The following MAN2B2 variants were observed in gnomAD, a reference collection of about 807,000 sequenced individuals.
MAN2B2 encodes mannosidase alpha class 2B member 2.
MAN2B2 carries 106 observed loss-of-function variants against 117.1 expected under a neutral mutation model. The observed-to-expected ratio is 0.90, with a 90% CI of 0.77 to 1.06. The LOEUF (loss-of-function observed/expected upper bound fraction) is 1.06. Among genes scored for constraint, MAN2B2 ranks in the 50% least tolerant of loss-of-function variants. The pLI, the probability that MAN2B2 is intolerant of heterozygous loss-of-function variation, is 0.00. For missense variants in MAN2B2, 1,326 were observed against 1,381.4 expected (o/e 0.96, Z 0.64); for synonymous variants, 544 against 595.1 (o/e 0.91, Z 1.25).
chr4:6,616,011 C>G (rs1711844040), intron 16 of MAN2B2, among the ~76,000 whole-genome samples: 1 of 152,156 alleles, frequency 6.6e-6, no homozygotes, highest in South Asian at 2.1e-4. Context: ...ACTGTGCTGA[C>G]CAGGCTGGTC....
intron 16 of MAN2B2, among the ~76,000 whole-genome samples, chr4:6,615,602 G>C (rs1397495578): frequency 6.6e-6 from 1 of 152,048 alleles, no homozygotes; most frequent in Non-Finnish European, 1.5e-5. Flanking sequence ...TTCGAGACCA[G>C]CCTGGGCAAC....
chr4:6,587,637 C>T (rs1388206240), intron 4 of MAN2B2, among the ~76,000 whole-genome samples: 1 of 152,032 alleles, frequency 6.6e-6, no homozygotes, highest in African/African-American at 2.4e-5. Flanking sequence ...ACGCTGCCTT[C>T]GATTGTGCCC....
At chr4:6,581,590 G>A (rs955963296) in intron 3 of MAN2B2, among the ~76,000 whole-genome samples, 2 of 151,944 alleles carry the variant, frequency 1.3e-5, no homozygotes, top group South Asian at 4.2e-4. Flanking sequence ...AGAGGGGCTG[G>A]ATCACCCCTC....
chr4:6,582,074 CT>C (rs1343304855), intron 3 of MAN2B2, among the ~76,000 whole-genome samples: 2 of 152,050 alleles, frequency 1.3e-5, no homozygotes, highest in Non-Finnish European at 2.9e-5. Context: ...CCCCTCACCC[CT>C]ATCCTGAGGG....
In MAN2B2 at chr4:6,610,029, T is replaced by A. The variant is rs745551341; in HGVS notation, c.2238T>A (p.Tyr746Ter). 1.9e-6 allele frequency: 3 copies of A among 1,614,082 alleles called. No homozygotes were observed. Among genetic ancestry groups the A allele is most frequent in the East Asian group, 4.5e-5 (2 of 44,872 alleles). Reference sequence around the variant, plus strand: ...TGCAGCGGAGGCCCTACGTTTCCTATGTGAACAACAGCATCGCCCGGGTAT... The same window carrying A: ...TGCAGCGGAGGCCCTACGTTTCCTAAGTGAACAACAGCATCGCCCGGGTAT... ...YQMQRRPYVS[Y>*]VNNSIARNYY... is the part of the protein sequence containing the mutation. Residue 746 changes from tyrosine (Y) to a stop codon, truncating the protein, a stop_gained, in exon 13 of 19, where the codon TAT becomes TAA. Transcript: ENST00000285599. LOFTEE classifies it high-confidence loss of function.
At chr4:6,612,801 G>T (rs1051067410) in intron 15 of MAN2B2, among the ~76,000 whole-genome samples, 1 of 152,268 alleles carries the variant, frequency 6.6e-6, no homozygotes, top group Admixed American at 6.5e-5. Context: ...TCTGTTGGTT[G>T]CAAGTAACGG....
chr4:6,586,892 G>A, intron 3 of MAN2B2, 104 bp from the exon 4 acceptor site: 1 of 1,022,326 alleles, frequency 9.8e-7, no homozygotes, highest in Non-Finnish European at 1.5e-6. Context: ...CCCAGTAGCT[G>A]GCACTGCAAC....
chr4:6,597,354 C>A, intron 8 of MAN2B2, 51 bp downstream of exon 8: 1 of 1,483,280 alleles, frequency 6.7e-7, no homozygotes, highest in Non-Finnish European at 9.0e-7. Flanking sequence ...CCATGCTGCG[C>A]ACCTCCCCTC....
At chr4:6,577,589 G>A (rs1397968238) in intron 2 of MAN2B2, among the ~76,000 whole-genome samples, 2 of 152,242 alleles carry the variant, frequency 1.3e-5, no homozygotes, top group African/African-American at 2.4e-5. Flanking sequence ...GGTTCAGAGA[G>A]GGCACGCCAC....
At position 6,575,719 on chromosome 4, in the gene MAN2B2, C is replaced by T. The variant is rs117411320; in HGVS notation, c.138+371C>T. ...GCTGGGAAGGGGCCGGGCTGGTCCC[C>T]TGCGGGGCTGAATATTGGAGGCCAG... On this transcript the variant is annotated intron_variant, in intron 1 of 18. Transcript: ENST00000285599. Among the ~76,000 whole-genome samples the T allele has an allele frequency of 5.9e-4, 90 of 152,304 alleles. 1 individual carries two copies. The East Asian group carries it at 0.017, about 28-fold the overall frequency.
chr4:6,578,871 G>A (rs1267456466), intron 3 of MAN2B2, among the ~76,000 whole-genome samples: 1 of 151,872 alleles, frequency 6.6e-6, no homozygotes, highest in Non-Finnish European at 1.5e-5. Context: ...CACTTTAGTA[G>A]GATGTGGGTT....
chr4:6,600,679 A>G lies in MAN2B2; in HGVS notation c.1462A>G (p.Thr488Ala), dbSNP rs760215954. The change falls in exon 10 of 19, where the codon ACC becomes GCC. Residue 488 changes from threonine (T) to alanine (A), a missense_variant. Coordinates refer to ENST00000285599, the MANE Select transcript of MAN2B2 (RefSeq NM_015274.3). ...SVYNPLAWTVTTIVTLTVGFP... is the reference protein window; with the variant it reads ...SVYNPLAWTVATIVTLTVGFP... The stretch of plus-strand genomic sequence containing the variant: ...CTACAACCCGCTGGCCTGGACGGTC[A>G]CCACCATCGTCACCCTGACTGTTGG... 8 of 1,613,936 alleles carry G rather than the reference A, an allele frequency of 5.0e-6. No homozygotes were observed. The highest frequency in any genetic ancestry group is 3.3e-5 in the Admixed American group (2 of 60,010).
chr4:6,582,429 C>T (rs1220926908), intron 3 of MAN2B2, among the ~76,000 whole-genome samples: 2 of 152,132 alleles, frequency 1.3e-5, no homozygotes, highest in Admixed American at 6.5e-5. Context: ...ATCTCTACCT[C>T]GCAGGTTCAA....
chr4:6,600,613 CTGTG>C lies in MAN2B2; in HGVS notation c.1406-7_1406-4del, dbSNP rs1560651763. 1.7e-5 allele frequency: 27 copies of C among 1,613,360 alleles called. No homozygotes were observed. The highest frequency in any genetic ancestry group is 2.3e-5 in the Non-Finnish European group (27 of 1,179,818). On this transcript the variant is annotated splice_polypyrimidine_tract_variant and splice_region_variant and intron_variant, in intron 9 of 18. Coordinates refer to ENST00000285599, the MANE Select transcript of MAN2B2 (RefSeq NM_015274.3). ...ACATGGCACAAGCAAAGCCTCTTCT[CTGTG>C]TGCAGATGCAGGACCTGCAGGACAT... is the stretch of plus-strand genomic sequence containing the variant.
In MAN2B2 at chr4:6,610,047, C is replaced by G; in HGVS notation, c.2256C>G (p.Ala752=). 1 of 1,614,014 alleles carries G rather than the reference C, an allele frequency of 6.2e-7. No individual in the cohort carries two copies. Among genetic ancestry groups the G allele is most frequent in the Non-Finnish European group, 8.5e-7 (1 of 1,179,946 alleles). Residue 752 remains alanine (A), a synonymous_variant, in exon 13 of 19, where the codon GCC becomes GCG. Coordinates refer to ENST00000285599, the MANE Select transcript of MAN2B2 (RefSeq NM_015274.3). The stretch of plus-strand genomic sequence containing the variant: ...TTTCCTATGTGAACAACAGCATCGC[C>G]CGGGTATGTCCTGCAATGCCCACAA... ...PYVSYVNNSI[A]RNYYPMVQSA... is the part of the protein sequence containing the mutation.
At chr4:6,584,225 T>C (rs1726550372) in intron 3 of MAN2B2, among the ~76,000 whole-genome samples, 1 of 152,204 alleles carries the variant, frequency 6.6e-6, no homozygotes, top group African/African-American at 2.4e-5. Flanking sequence ...ACAAAGCGAC[T>C]TGAGTCTTAA....
In MAN2B2 at chr4:6,577,456, G is replaced by A. The variant is rs527701755; in HGVS notation, c.285+732G>A. ...AGTGACTTGCTCAAGGGAGTGAAGC[G>A]GAGAAGGGAGAGCAGGGCGTCCACC... On this transcript the variant is annotated intron_variant, in intron 2 of 18. Transcript: ENST00000285599. Among the ~76,000 whole-genome samples, 32 of 152,328 alleles carry A rather than the reference G, an allele frequency of 2.1e-4. No individual in the cohort carries two copies. In the South Asian group the frequency reaches 5.4e-3, roughly 26 times the overall value.
At chr4:6,582,981 G>A (rs1726493826) in intron 3 of MAN2B2, among the ~76,000 whole-genome samples, 1 of 152,186 alleles carries the variant, frequency 6.6e-6, no homozygotes, top group Admixed American at 6.5e-5. Flanking sequence ...TCTCTCCTGT[G>A]GAAGTCTGCA....
At position 6,594,783 on chromosome 4, in the gene MAN2B2, G is replaced by C. The variant is rs374332497; in HGVS notation, c.1057+51G>C. On this transcript the variant is annotated intron_variant, in intron 7 of 18. Transcript: ENST00000285599. ...GTAGTTTGGTGGCAGGGAGGGTATA[G>C]TCCACGTACCCTCTGCCCACTTCAG... 14 of 1,537,814 alleles carry C rather than the reference G, an allele frequency of 9.1e-6. No individual in the cohort carries two copies. In the African/African-American group the frequency reaches 1.6e-4, roughly 18 times the overall value.
Sources: gnomAD v4.1 joint callset for allele counts (sites outside exome capture counted in the v4.1 genomes callset) on GRCh38, gnomAD v4.1.1 for gene constraint, MANE v1.5 for transcripts, NCBI Gene and HGNC (gene_info 2026-07-23, HGNC 2026-07-21) for gene names.